MOV10L1: variants seen among roughly 807,000 people sequenced by gnomAD.
The protein encoded by MOV10L1 is Mov10 like RNA helicase 1.
MOV10L1 carries 110 observed loss-of-function variants against 143.8 expected under a neutral mutation model. That is an observed-to-expected ratio of 0.76 (90% CI 0.66 to 0.90). The LOEUF is 0.90. MOV10L1 is among the 40% of genes least tolerant of loss of function. The pLI is 0.00. For synonymous variants in MOV10L1, 593 were observed against 581.1 expected (o/e 1.02, Z -0.29); for missense variants, 1,406 against 1,526.8 (o/e 0.92, Z 1.32).
intron 5 of MOV10L1, among the ~76,000 whole-genome samples, chr22:50,109,218 A>G (rs987812689): frequency 1.3e-5 from 2 of 152,176 alleles, no homozygotes; most frequent in Non-Finnish European, 2.9e-5. Flanking sequence ...TACTTTAATA[A>G]GCCAAATAGT....
At chr22:50,160,110 C>T (rs1005712481) in intron 24 of MOV10L1, among the ~76,000 whole-genome samples, 1 of 152,032 alleles carries the variant, frequency 6.6e-6, no homozygotes, top group Non-Finnish European at 1.5e-5. Flanking sequence ...GCAGGAGAGC[C>T]CCTAAGACCC....
chr22:50,157,228 T>G (rs1569053000), intron 22 of MOV10L1, among the ~76,000 whole-genome samples: 1 of 152,158 alleles, frequency 6.6e-6, no homozygotes, highest in Non-Finnish European at 1.5e-5. Context: ...TTCCTCGTAG[T>G]TTTGGATATT....
In MOV10L1 at chr22:50,108,234, A is replaced by G; in HGVS notation, c.541A>G (p.Lys181Glu). 6.2e-7 allele frequency: 1 copy of G among 1,613,682 alleles called. No homozygotes were observed. Among genetic ancestry groups the G allele is most frequent in the Non-Finnish European group, 8.5e-7 (1 of 1,179,874 alleles). The change falls in exon 4 of 27, where the codon AAG (lysine) becomes GAG (glutamate). Residue 181 changes from lysine to glutamate, a missense_variant. Coordinates refer to ENST00000262794, the MANE Select transcript of MOV10L1 (RefSeq NM_018995.3). ...CACCTCAGTGAAGCCACTGAGATAC[A>G]AGCGCGTGGACAAGGTAGCGTGCCG... is the stretch of plus-strand genomic sequence containing the variant. ...EATSVKPLRY[K>E]RVDKVCISSL...
chr22:50,138,649 T>C (rs2062898429), intron 15 of MOV10L1, among the ~76,000 whole-genome samples: 1 of 152,144 alleles, frequency 6.6e-6, no homozygotes, highest in Non-Finnish European at 1.5e-5. Flanking sequence ...ACAAGATCAG[T>C]GTAGAAAAAT....
chr22:50,157,070 C>T (rs2063445233), intron 22 of MOV10L1, among the ~76,000 whole-genome samples: 2 of 152,136 alleles, frequency 1.3e-5, no homozygotes, highest in South Asian at 4.1e-4. Context: ...AGGTGTAGCT[C>T]ACTGTAGTTT....
chr22:50,108,579 G>T, intron 4 of MOV10L1, 78 bp from the exon 5 acceptor site: 1 of 1,513,104 alleles, frequency 6.6e-7, no homozygotes, highest in South Asian at 1.2e-5. Context: ...GCTTTGGGCT[G>T]ACTTGGGCGT....
chr22:50,126,405 A>G (rs1001639836), intron 12 of MOV10L1, 133 bp downstream of exon 12: 2 of 556,506 alleles, frequency 3.6e-6, no homozygotes, highest in Admixed American at 3.6e-5. Context: ...GTCAAGATAC[A>G]GTGAATCTTT....
At chr22:50,130,690 G>A (rs932820712) in intron 13 of MOV10L1, among the ~76,000 whole-genome samples, 8 of 152,110 alleles carry the variant, frequency 5.3e-5, no homozygotes, top group African/African-American at 1.9e-4. Context: ...GACGTGTGAG[G>A]GTTGGCTGGG....
chr22:50,107,762 GTC>G (rs1415086506), intron 3 of MOV10L1, among the ~76,000 whole-genome samples: 4 of 152,172 alleles, frequency 2.6e-5, no homozygotes, highest in South Asian at 2.1e-4. Flanking sequence ...GAGTTCAGGT[GTC>G]TCTCTGTTCC....
At chr22:50,157,955 C>G in intron 22 of MOV10L1, 102 bp from the exon 23 acceptor site, 1 of 1,354,914 alleles carries the variant, frequency 7.4e-7, no homozygotes, top group Non-Finnish European at 1.0e-6. Flanking sequence ...TTTATTCTGT[C>G]ATATTCAGTG....
intron 2 of MOV10L1, among the ~76,000 whole-genome samples, chr22:50,096,819 G>T (rs1279907938): frequency 6.6e-6 from 1 of 152,044 alleles, no homozygotes; most frequent in Non-Finnish European, 1.5e-5. Context: ...TGCCCGTTTT[G>T]AAATTAGGTT....
chr22:50,160,939 C>T (rs1045835326), intron 25 of MOV10L1, 25 bp from the exon 26 acceptor site: 9 of 1,613,590 alleles, frequency 5.6e-6, no homozygotes, highest in Admixed American at 1.7e-5. Context: ...TGCTCTCACA[C>T]CAGGCTAATT....
Position 50,115,181 on chromosome 22 carries a change from G to T in MOV10L1, c.1194G>T (p.Glu398Asp). The T allele has an allele frequency of 6.4e-7, 1 of 1,565,556 alleles. No homozygotes were observed. Among genetic ancestry groups the T allele is most frequent in the Non-Finnish European group, 8.6e-7 (1 of 1,163,742 alleles). The change falls in exon 8 of 27, where the codon GAG becomes GAT. Residue 398 changes from glutamate (E) to aspartate (D), a missense_variant. By Grantham distance (45) the Glu-to-Asp change is conservative. Coordinates refer to ENST00000262794, the MANE Select transcript of MOV10L1 (RefSeq NM_018995.3). ...DNILSRKQMTEPEPGGLVPPG... is the reference protein window; with the variant it reads ...DNILSRKQMTDPEPGGLVPPG... Reference sequence around the variant, plus strand: ...TTCTATCAAGGAAGCAGATGACAGAGCCTGAGCCTGGGGGGCTTGTCCCTC... The same window carrying T: ...TTCTATCAAGGAAGCAGATGACAGATCCTGAGCCTGGGGGGCTTGTCCCTC...
Position 50,114,212 on chromosome 22 carries a change from C to T in MOV10L1, c.885-169C>T, listed in dbSNP as rs576924021. Among the ~76,000 whole-genome samples, 10 of 152,214 alleles carry T rather than the reference C, an allele frequency of 6.6e-5. No homozygotes were observed. The East Asian group carries it at 7.7e-4, about 12-fold the overall frequency. On this transcript the variant is annotated intron_variant, in intron 6 of 26. Transcript: ENST00000262794. ...GACTACAGGCGTGAGACACCACGCC[C>T]GGCATGAAGATCTTTTCAAAATTTT...
At chr22:50,090,451 C>T (rs184330045) in intron 1 of MOV10L1, 9 of 1,604,586 alleles carry the variant, frequency 5.6e-6, no homozygotes, top group Middle Eastern at 1.7e-4. Flanking sequence ...GTGTTTACGC[C>T]GAGCAGCTGC....
chr22:50,095,886 A>G (rs755487965), intron 2 of MOV10L1: 1 of 152,190 alleles, frequency 6.6e-6, no homozygotes. Context: ...ACTTTTCAGT[A>G]TCTTCCAAAT....
At chr22:50,129,493 G>T (rs563818825) in intron 13 of MOV10L1, among the ~76,000 whole-genome samples, 1 of 152,166 alleles carries the variant, frequency 6.6e-6, no homozygotes, top group Non-Finnish European at 1.5e-5. Context: ...ATTGGTTTGC[G>T]GTTGTGTGAA....
At position 50,160,635 on chromosome 22, in the gene MOV10L1, A is replaced by G. The variant is rs556288601; in HGVS notation, c.3325-53A>G. 116 of 1,571,280 alleles carry G rather than the reference A, an allele frequency of 7.4e-5. No homozygotes were observed. The South Asian group carries it at 1.2e-3, about 17-fold the overall frequency. ...TTTTATATATCAAGAGTTTCTCTTC[A>G]TGCCCCCCAAAAACTTCAAGTGCCA... is the stretch of plus-strand genomic sequence containing the variant. On this transcript the variant is annotated intron_variant, in intron 24 of 26. Transcript: ENST00000262794.
At position 50,150,772 on chromosome 22, in the gene MOV10L1, T is replaced by A; in HGVS notation, c.2765T>A (p.Val922Asp). ...LAGDPMQLGP[V>D]IKSRLAMAYG... ...GGAGACCCCATGCAGCTCGGCCCAG[T>A]CATTAAGTCCAGACTCGCCATGGCC... Residue 922 changes from valine (V) to aspartate (D), a missense_variant, in exon 21 of 27, where the codon GTC becomes GAC. By Grantham distance (152) the Val-to-Asp change is radical. Around this residue, in one of 3 missense-constraint regions of MOV10L1, gnomAD observed 1,233 missense variants for 1,351.4 expected, o/e 0.91. Coordinates refer to ENST00000262794, the MANE Select transcript of MOV10L1 (RefSeq NM_018995.3). The A allele has an allele frequency of 6.2e-7, 1 of 1,614,074 alleles. No individual in the cohort carries two copies. The highest frequency in any genetic ancestry group is 8.5e-7 in the Non-Finnish European group (1 of 1,180,008).
Sources: gnomAD v4.1 joint callset for allele counts (sites outside exome capture counted in the v4.1 genomes callset) on GRCh38, gnomAD v4.1.1 for gene constraint, gnomAD v4.1.1 regional missense constraint, MANE v1.5 for transcripts, NCBI Gene and HGNC (gene_info 2026-07-23, HGNC 2026-07-21) for gene names.